Variants in SLC37A3 observed in about 807,000 individuals in gnomAD.
The protein encoded by SLC37A3 is sugar phosphate exchanger 3.
A neutral mutation model predicts 67.1 loss-of-function variants in SLC37A3; 51 were observed. That is an observed-to-expected ratio of 0.76 (90% confidence interval 0.61 to 0.96). The LOEUF (loss-of-function observed/expected upper bound fraction) is 0.96, where lower values mean the gene tolerates loss of function less well. Among genes scored for constraint, SLC37A3 ranks in the 40% least tolerant of loss-of-function variants. The probability of loss-of-function intolerance (pLI) is 0.00; values close to 1 mark genes in which losing one functional copy is unlikely to be tolerated. For synonymous variants in SLC37A3, 214 were observed against 231.4 expected, an observed-to-expected ratio of 0.92 and a Z score of 0.68; for missense variants, 508 against 603.0, an observed-to-expected ratio of 0.84 and a Z score of 1.65.
intron 13 of SLC37A3, among the ~76,000 whole-genome samples, chr7:140,339,313 T>A (rs922113351): frequency 6.9e-6 from 1 of 144,388 alleles, no homozygotes; most frequent in African/African-American, 2.6e-5. Context: ...CAGGCTGGAG[T>A]GCAGTGGTGT....
Position 140,358,632 on chromosome 7 carries a change from T to C in SLC37A3, c.521+8A>G. 6.2e-7 allele frequency: 1 copy of C among 1,613,456 alleles called. No homozygotes were observed. The highest frequency in any genetic ancestry group is 1.1e-5 in the South Asian group (1 of 91,074). ...ACAGAGAAATTAGAGAGGAAGGAAG[T>C]GGCATACCCGGCTTTCCCAAACCAG... On this transcript the variant is annotated splice_region_variant and intron_variant, in intron 6 of 14. Transcript: ENST00000326232.
intron 11 of SLC37A3, 32 bp from the exon 12 acceptor site, chr7:140,345,295 G>T (rs1259884948): frequency 6.2e-7 from 1 of 1,601,622 alleles, no homozygotes; most frequent in Non-Finnish European, 8.6e-7. Context: ...AACCATGGTG[G>T]CTTGAAAAGC....
Position 140,335,114 on chromosome 7 carries a change from C to T in SLC37A3, c.*298G>A. 1 of 1,072,960 alleles carries T rather than the reference C, an allele frequency of 9.3e-7. No homozygotes were observed. Among genetic ancestry groups the T allele is most frequent in the Non-Finnish European group, 1.3e-6 (1 of 761,332 alleles). 66.5% of individuals were successfully genotyped at this position (1,072,960 alleles called of 1,614,324 possible). ...AACAGTTAAGGTTAAAACGCTAAAC[C>T]TCAATAGGCCAAACAAAGACGCGGG... On this transcript the variant is annotated 3_prime_UTR_variant, in exon 15 of 15. Coordinates refer to ENST00000326232, the MANE Select transcript of SLC37A3 (RefSeq NM_207113.3).
intron 7 of SLC37A3, among the ~76,000 whole-genome samples, chr7:140,354,295 T>C (rs964594234): frequency 2.6e-5 from 4 of 152,224 alleles, no homozygotes; most frequent in African/African-American, 9.6e-5. Flanking sequence ...TGACAGACAC[T>C]TCCATATTGA....
intron 12 of SLC37A3, chr7:140,343,953 AGAGG>A (rs1796456911): frequency 8.4e-6 from 2 of 237,674 alleles, no homozygotes; most frequent in East Asian, 3.3e-4. Flanking sequence ...AAAAGAGCAA[AGAGG>A]AAAAAGCCAC....
intron 3 of SLC37A3, among the ~76,000 whole-genome samples, chr7:140,369,942 C>T (rs574233417): frequency 2.0e-5 from 3 of 152,222 alleles, no homozygotes; most frequent in African/African-American, 7.2e-5. Flanking sequence ...GAAACCCTGT[C>T]TCTACTAAAA....
intron 10 of SLC37A3, among the ~76,000 whole-genome samples, chr7:140,346,297 G>A (rs1036486922): frequency 1.3e-5 from 2 of 151,994 alleles, no homozygotes; most frequent in African/African-American, 4.8e-5. Context: ...GGAGAATGGT[G>A]TGAACCTGGG....
chr7:140,342,935 C>G, intron 13 of SLC37A3, among the ~76,000 whole-genome samples: 1 of 152,272 alleles, frequency 6.6e-6, no homozygotes, highest in South Asian at 2.1e-4. Flanking sequence ...GGAAGCAGAG[C>G]GAGTGATTCA....
chr7:140,335,373 A>T lies in SLC37A3; in HGVS notation c.*39T>A. ...CAGACTCGAAGCCCCAGCGGTCCTG[A>T]TGTGGCTGACATTGTTCTTTCTGTC... On this transcript the variant is annotated 3_prime_UTR_variant, in exon 15 of 15. Transcript: ENST00000326232. The T allele has an allele frequency of 6.2e-7, 1 of 1,614,130 alleles. No individual in the cohort carries two copies. The highest frequency in any genetic ancestry group is 8.5e-7 in the Non-Finnish European group (1 of 1,180,032).
At chr7:140,345,825 G>C (rs781535106) in intron 11 of SLC37A3, 44 bp downstream of exon 11, 12 of 1,471,652 alleles carry the variant, frequency 8.2e-6, no homozygotes, top group Non-Finnish European at 1.1e-5. Context: ...ATTCCAACCA[G>C]ATTAGGGGAG....
At position 140,343,432 on chromosome 7, in the gene SLC37A3, T is replaced by A; in HGVS notation, c.1306A>T (p.Ile436Phe). 1 of 1,613,852 alleles carries A rather than the reference T, an allele frequency of 6.2e-7. No homozygotes were observed. The highest frequency in any genetic ancestry group is 8.5e-7 in the Non-Finnish European group (1 of 1,179,960). ...VTGIVDGSGSIGAAVGQYLVS... is the reference protein window; with the variant it reads ...VTGIVDGSGSFGAAVGQYLVS... ...CTCACCTGGCCCACTGCAGCTCCAA[T>A]GCTCCCCGAACCATCCACAATTCCT... Residue 436 changes from isoleucine to phenylalanine, a missense_variant, in exon 13 of 15, where the codon ATT becomes TTT. Physicochemically the swap from Ile to Phe is conservative, Grantham distance 21. Coordinates refer to ENST00000326232, the MANE Select transcript of SLC37A3 (RefSeq NM_207113.3).
chr7:140,373,568 T>G (rs1379623717), intron 3 of SLC37A3, among the ~76,000 whole-genome samples: 1 of 152,162 alleles, frequency 6.6e-6, no homozygotes, highest in African/African-American at 2.4e-5. Flanking sequence ...CAAAGACAAA[T>G]GAACATCCAC....
At chr7:140,350,262 TCA>T (rs1796738618) in intron 9 of SLC37A3, among the ~76,000 whole-genome samples, 1 of 152,098 alleles carries the variant, frequency 6.6e-6, no homozygotes, top group Non-Finnish European at 1.5e-5. Context: ...ACCCCAGGTG[TCA>T]CAGAAAGTTA....
Position 140,334,177 on chromosome 7 carries a change from T to C in SLC37A3, c.*1235A>G. The C allele has an allele frequency of 6.6e-6, 1 of 152,176 alleles. No individual in the cohort carries two copies. Among genetic ancestry groups the C allele is most frequent in the East Asian group, 1.9e-4 (1 of 5,200 alleles). The allele number at this position is 152,176 out of a possible 1,614,324, so 9.4% of individuals were successfully genotyped here. On this transcript the variant is annotated 3_prime_UTR_variant, in exon 15 of 15. Transcript: ENST00000326232. ...TTTTGGACTTTACAATGGTGTGAAA[T>C]GGTTGCAATTTCAACATAATGTACA... is the stretch of plus-strand genomic sequence containing the variant.
rs117432868 is a variant in SLC37A3, at chr7:140,348,041, A to C, written c.1024+585T>G. Reference sequence around the variant, plus strand: ...GGGCACAGAAATTAACAATAACGACAAAATAGAAAATAATAACAATATACT... The same window carrying C: ...GGGCACAGAAATTAACAATAACGACCAAATAGAAAATAATAACAATATACT... On this transcript the variant is annotated intron_variant, in intron 10 of 14. Coordinates refer to ENST00000326232, the MANE Select transcript of SLC37A3 (RefSeq NM_207113.3). 7.5e-4 allele frequency among the ~76,000 whole-genome samples: 114 copies of C among 152,358 alleles called. No homozygotes were observed. The East Asian group carries it at 0.021, about 28-fold the overall frequency.
chr7:140,371,336 G>T (rs1038478027), intron 3 of SLC37A3, among the ~76,000 whole-genome samples: 1 of 152,036 alleles, frequency 6.6e-6, no homozygotes, highest in East Asian at 1.9e-4. Flanking sequence ...ACCACGCCCA[G>T]ATAATTTTTG....
intron 12 of SLC37A3, 94 bp downstream of exon 12, chr7:140,345,122 C>T (rs1254537447): frequency 1.9e-5 from 21 of 1,088,948 alleles, no homozygotes; most frequent in South Asian, 2.8e-5. Flanking sequence ...ATTAAGGTTT[C>T]GGTACTACTC....
chr7:140,380,490 ATT>A (rs1798209280), intron 2 of SLC37A3, 100 bp from the exon 3 acceptor site: 1 of 836,780 alleles, frequency 1.2e-6, no homozygotes, highest in Non-Finnish European at 1.8e-6. Context: ...ATTTTATTTT[ATT>A]TTATTTGGTG....
intron 1 of SLC37A3, among the ~76,000 whole-genome samples, chr7:140,386,004 A>G (rs986007959): frequency 2.0e-5 from 3 of 152,104 alleles, no homozygotes; most frequent in Non-Finnish European, 4.4e-5. Flanking sequence ...GCTGGTCTCG[A>G]ACTCCTAACC....
Sources: gnomAD v4.1 joint callset for allele counts (sites outside exome capture counted in the v4.1 genomes callset) on GRCh38, gnomAD v4.1.1 for gene constraint, MANE v1.5 for transcripts, NCBI Gene and HGNC (gene_info 2026-07-23, HGNC 2026-07-21) for gene names.